Variants in DEPDC4 observed in about 807,000 individuals in gnomAD.
DEPDC4 encodes DEP domain containing 4, also known as DEP domain-containing protein 4.
In DEPDC4, 52 loss-of-function variants were observed where a neutral mutation model predicts 52.0. The observed-to-expected ratio is 1.00, with a 90% confidence interval of 0.80 to 1.26. The LOEUF (loss-of-function observed/expected upper bound fraction) is 1.26. Ranked by LOEUF, DEPDC4 falls within the 50% of genes most tolerant of loss-of-function variation. The probability of loss-of-function intolerance (pLI) is 0.00; values close to 1 mark genes in which losing one functional copy is unlikely to be tolerated. For synonymous variants in DEPDC4, 201 were observed against 196.8 expected (o/e 1.02, Z -0.18); for missense variants, 530 against 546.9 (o/e 0.97, Z 0.31).
At chr12:100,281,658 C>A in the DEPDC4 span, among the ~76,000 whole-genome samples, 1 of 151,988 alleles carries the variant, frequency 6.6e-6, no homozygotes, top group Non-Finnish European at 1.5e-5. Flanking sequence ...ACGGTGAAAC[C>A]CTGTCACTAC....
chr12:100,257,937 TA>T (rs1224716289), intron 3 of DEPDC4: 3 of 152,104 alleles, frequency 2.0e-5, no homozygotes, highest in Non-Finnish European at 4.4e-5. Flanking sequence ...AATTAATGTA[TA>T]AAAACGGGAG....
chr12:100,266,047 C>T (rs1039382797), intron 1 of DEPDC4, among the ~76,000 whole-genome samples: 4 of 151,762 alleles, frequency 2.6e-5, no homozygotes, highest in African/African-American at 7.3e-5. Context: ...TTCATTCTTC[C>T]GTACCCCAGT....
Position 100,240,699 on chromosome 12 carries a change from A to AT in DEPDC4, c.*1192_*1193insA, listed in dbSNP as rs569253164. 6.1e-3 allele frequency among the ~76,000 whole-genome samples: 932 copies of AT among 152,326 alleles called. 9 individuals carry two copies. Among genetic ancestry groups the AT allele is most frequent in the African/African-American group, 0.021 (876 of 41,578 alleles). On this transcript the variant is annotated 3_prime_UTR_variant, in exon 10 of 10. Coordinates refer to ENST00000550587, the MANE Select transcript of DEPDC4 (RefSeq NM_001364818.2). ...AACCATAAAATATGGACTGAAGAAGAATTAGAGAGAGAAATCACAGTTTTG... is the reference window on the plus strand; with the variant it reads ...AACCATAAAATATGGACTGAAGAAGATATTAGAGAGAGAAATCACAGTTTTG...
intron 7 of DEPDC4, among the ~76,000 whole-genome samples, chr12:100,251,462 C>T (rs1348074327): frequency 6.6e-6 from 1 of 152,126 alleles, no homozygotes; most frequent in East Asian, 1.9e-4. Context: ...ACTCTGTCAC[C>T]CAGGCTGGTG....
intron 5 of DEPDC4, among the ~76,000 whole-genome samples, chr12:100,253,041 C>T (rs901216629): frequency 1.3e-5 from 2 of 152,058 alleles, no homozygotes; most frequent in Admixed American, 6.5e-5. Flanking sequence ...CTCAGCCTCC[C>T]GAGTAGCTGG....
At chr12:100,265,888 G>A (rs372021451) in intron 1 of DEPDC4, among the ~76,000 whole-genome samples, 1 of 152,180 alleles carries the variant, frequency 6.6e-6, no homozygotes, top group Non-Finnish European at 1.5e-5. Flanking sequence ...AAGAAGGATT[G>A]TAATGGTGGC....
At chr12:100,238,131 A>T (rs80124605), downstream of DEPDC4, 8,837 of 877,666 alleles carry the variant, frequency 0.01, 557 homozygotes, top group African/African-American at 0.14. Flanking sequence ...AAAAAAAAAA[A>T]ATATGCAGAT....
At chr12:100,233,868 C>G (rs1435541861) in intron 9 of DEPDC4, among the ~76,000 whole-genome samples, 2 of 151,914 alleles carry the variant, frequency 1.3e-5, no homozygotes, top group African/African-American at 2.4e-5. Flanking sequence ...AGAAGAAAAA[C>G]GTTTTGTCTC....
Position 100,241,505 on chromosome 12 carries a change from C to T in DEPDC4, c.*387G>A, listed in dbSNP as rs140656735. On this transcript the variant is annotated 3_prime_UTR_variant, in exon 10 of 10. Coordinates refer to ENST00000550587, the MANE Select transcript of DEPDC4 (RefSeq NM_001364818.2). ...TTGAGGCCAGGAGTTCGAGACCAGC[C>T]TGGGCAACATAATAGGACCCCTGTC... 1.9e-3 allele frequency: 629 copies of T among 330,128 alleles called. 2 individuals are homozygous for T. The highest frequency in any genetic ancestry group is 0.013 in the African/African-American group (574 of 44,214). The allele number at this position is 330,128 out of a possible 1,614,324, so 20.4% of individuals were successfully genotyped here. A position where few individuals can be genotyped will look rare whatever the true frequency, so the allele number is the denominator to read the frequency against.
the DEPDC4 span, among the ~76,000 whole-genome samples, chr12:100,279,113 C>A: frequency 6.6e-6 from 1 of 152,224 alleles, no homozygotes; most frequent in Non-Finnish European, 1.5e-5. Context: ...CAGTCCCCAA[C>A]CTTTTTGGCA....
rs952027559 is a variant in DEPDC4 at position 100,233,929 on chromosome 12, A to G, written c.*699+4039T>C. On this transcript the variant is annotated intron_variant and NMD_transcript_variant, in intron 9 of 10. Transcript: ENST00000378244. ...AAAATCTTTTATGAGCTTGGGCTAC[A>G]TGGCGAAACCCTGTCTCTTAAAAAA... Among the ~76,000 whole-genome samples, 5 of 152,078 alleles carry G rather than the reference A, an allele frequency of 3.3e-5. No homozygotes were observed. The South Asian group carries it at 1.0e-3, about 32-fold the overall frequency.
chr12:100,274,352 T>A, the DEPDC4 span, among the ~76,000 whole-genome samples: 1 of 152,200 alleles, frequency 6.6e-6, no homozygotes, highest in African/African-American at 2.4e-5. Context: ...AAGATCTAAT[T>A]TCTAAATTGT....
intron 8 of DEPDC4, among the ~76,000 whole-genome samples, chr12:100,248,040 GATT>G (rs2096193197): frequency 6.6e-6 from 1 of 152,046 alleles, no homozygotes; most frequent in Admixed American, 6.5e-5. Context: ...TGCCTACACA[GATT>G]ATTGTGAAGA....
At chr12:100,278,965 T>C in the DEPDC4 span, among the ~76,000 whole-genome samples, 2 of 152,176 alleles carry the variant, frequency 1.3e-5, no homozygotes, top group Non-Finnish European at 2.9e-5. Flanking sequence ...TTATATGTAA[T>C]TTACTTGTTT....
In DEPDC4 at chr12:100,256,171, G is replaced by T. The variant is rs2096231653; in HGVS notation, c.756C>A (p.Phe252Leu). Reference sequence around the variant, plus strand: ...CTGGAGGCTCCAAAATATTGTCCAAGAATGGAAGGTGAATCAATTGAAGAA... The same window carrying T: ...CTGGAGGCTCCAAAATATTGTCCAATAATGGAAGGTGAATCAATTGAAGAA... ...LCLLQLIHLP[F>L]LDNILEPPVK... Residue 252 changes from phenylalanine (F) to leucine (L), a missense_variant, in exon 4 of 10, where the codon TTC (phenylalanine) becomes TTA (leucine). Phe to Leu is a conservative substitution (Grantham distance 22). Transcript: ENST00000550587. 1.2e-6 allele frequency: 2 copies of T among 1,613,038 alleles called. No homozygotes were observed. Among genetic ancestry groups the T allele is most frequent in the Non-Finnish European group, 1.7e-6 (2 of 1,179,340 alleles).
chr12:100,280,265 T>C, the DEPDC4 span, among the ~76,000 whole-genome samples: 1 of 152,262 alleles, frequency 6.6e-6, no homozygotes, highest in Non-Finnish European at 1.5e-5. Flanking sequence ...TATTTTTAAA[T>C]GTATGAAATA....
At chr12:100,278,242 C>T in the DEPDC4 span, among the ~76,000 whole-genome samples, 17 of 152,084 alleles carry the variant, frequency 1.1e-4, no homozygotes, top group Admixed American at 5.9e-4. Flanking sequence ...TTCTGTCACC[C>T]GGGCTGGAGT....
upstream of DEPDC4, among the ~76,000 whole-genome samples, chr12:100,271,777 T>A (rs2096287939): frequency 6.6e-6 from 1 of 152,230 alleles, no homozygotes; most frequent in Non-Finnish European, 1.5e-5. Flanking sequence ...TTCTTGGGAT[T>A]GTAAGCTTGG....
rs1041775849 is a variant in DEPDC4 at position 100,266,775 on chromosome 12, T to A, written c.157+145A>T. 4.4e-6 allele frequency: 5 copies of A among 1,133,318 alleles called. No individual in the cohort carries two copies. In the African/African-American group the frequency reaches 7.8e-5, roughly 18 times the overall value. The allele number at this position is 1,133,318 out of a possible 1,614,324, so 70.2% of individuals were successfully genotyped here. A position where few individuals can be genotyped will look rare whatever the true frequency, so the allele number is the denominator to read the frequency against. ...AAAGCCTCAGTCCTGGGTCCCCCAG[T>A]CCAGTGCCTGGTAGGGCAGGAAGGG... On this transcript the variant is annotated intron_variant, in intron 1 of 9. Transcript: ENST00000550587.
Sources: gnomAD v4.1 joint callset for allele counts (sites outside exome capture counted in the v4.1 genomes callset) on GRCh38, gnomAD v4.1.1 for gene constraint, MANE v1.5 for transcripts, NCBI Gene and HGNC (gene_info 2026-07-23, HGNC 2026-07-21) for gene names.